Variants in SFXN5 observed in about 807,000 individuals in gnomAD.
SFXN5 encodes sideroflexin 5.
SFXN5 carries 43 observed loss-of-function variants against 50.2 expected under a neutral mutation model. That is an observed-to-expected ratio of 0.86 (90% confidence interval 0.67 to 1.11). SFXN5 has a LOEUF of 1.11. Among genes scored for constraint, SFXN5 ranks in the 50% least tolerant of loss-of-function variants. The pLI, the probability that SFXN5 is intolerant of heterozygous loss-of-function variation, is 0.00. For synonymous variants in SFXN5, 203 were observed against 185.8 expected (o/e 1.09, Z -0.75); for missense variants, 463 against 454.1 (o/e 1.02, Z -0.18).
chr2:73,011,635 T>C (rs987784748), intron 6 of SFXN5, among the ~76,000 whole-genome samples: 5 of 152,066 alleles, frequency 3.3e-5, no homozygotes, highest in Admixed American at 3.3e-4. Context: ...GAAGGGGGAA[T>C]ACAAATCACC....
intron 13 of SFXN5, among the ~76,000 whole-genome samples, chr2:72,954,600 C>A (rs912374872): frequency 3.3e-5 from 5 of 152,202 alleles, no homozygotes; most frequent in African/African-American, 9.6e-5. Context: ...CCCCTGCCCG[C>A]AGCCCCAGCC....
chr2:73,040,737 AC>A (rs1163123763), intron 3 of SFXN5, 116 bp downstream of exon 3: 3 of 737,116 alleles, frequency 4.1e-6, no homozygotes, highest in African/African-American at 3.5e-5. Context: ...AGGGGTATGT[AC>A]CAGCAGAAGT....
At chr2:73,067,235 C>T (rs913197864) in intron 1 of SFXN5, among the ~76,000 whole-genome samples, 1 of 152,178 alleles carries the variant, frequency 6.6e-6, no homozygotes, top group African/African-American at 2.4e-5. Flanking sequence ...AAAATATCTT[C>T]CAAAATTGTC....
intron 9 of SFXN5, among the ~76,000 whole-genome samples, chr2:72,993,486 C>A (rs1672859115): frequency 6.6e-6 from 1 of 152,226 alleles, no homozygotes. Context: ...ACCCCTGAAC[C>A]ATGCCCCACA....
intron 10 of SFXN5, among the ~76,000 whole-genome samples, chr2:72,972,775 T>C (rs1470855018): frequency 1.3e-5 from 2 of 152,248 alleles, no homozygotes; most frequent in Non-Finnish European, 2.9e-5. Context: ...TTTAAAGTTT[T>C]AATTTTTGCT....
At chr2:72,949,007 G>A (rs970327053) in intron 13 of SFXN5, among the ~76,000 whole-genome samples, 2 of 152,144 alleles carry the variant, frequency 1.3e-5, no homozygotes, top group South Asian at 2.1e-4. Context: ...AACTGGGGAG[G>A]GGTTGGGAGT....
chr2:72,967,299 G>A (rs1674528654), intron 12 of SFXN5: 1 of 152,234 alleles, frequency 6.6e-6, no homozygotes, highest in Non-Finnish European at 1.5e-5. Context: ...ACAAAAGGAT[G>A]GACGTGCCTC....
Position 73,027,869 on chromosome 2 carries a change from C to T in SFXN5, c.250-4655G>A, listed in dbSNP as rs113561950. ...TAGAAACGTGGTCTCCCTATGTTGC[C>T]CAGGCTGGTCTCCAACTCCTGGGCT... On this transcript the variant is annotated intron_variant, in intron 3 of 13. Transcript: ENST00000272433. Among the ~76,000 whole-genome samples the T allele has an allele frequency of 1.9e-3, 292 of 152,000 alleles. 2 individuals are homozygous for T. The highest frequency in any genetic ancestry group is 5.5e-3 in the African/African-American group (229 of 41,454).
chr2:72,998,677 G>A (rs763577279), intron 9 of SFXN5: 10 of 475,104 alleles, frequency 2.1e-5, no homozygotes, highest in African/African-American at 3.9e-5. Context: ...CTGGGCAACC[G>A]CAGCCCCACT....
intron 10 of SFXN5, among the ~76,000 whole-genome samples, chr2:72,975,854 A>G (rs1670562198): frequency 6.6e-6 from 1 of 152,268 alleles, no homozygotes; most frequent in South Asian, 2.1e-4. Context: ...AATGCAATTA[A>G]AGACAGTAGA....
intron 12 of SFXN5, among the ~76,000 whole-genome samples, chr2:72,964,942 G>T (rs1487244889): frequency 6.6e-6 from 1 of 152,204 alleles, no homozygotes; most frequent in African/African-American, 2.4e-5. Context: ...GGAAGGGAAG[G>T]GCACGGTCTC....
intron 5 of SFXN5, 61 bp downstream of exon 5, chr2:73,022,461 G>C: frequency 7.7e-7 from 1 of 1,296,772 alleles, no homozygotes; most frequent in East Asian, 2.3e-5. Flanking sequence ...GATGCTCCTG[G>C]AACTGTGACT....
chr2:72,979,493 G>C (rs1199915809), intron 10 of SFXN5, among the ~76,000 whole-genome samples: 1 of 151,946 alleles, frequency 6.6e-6, no homozygotes. Flanking sequence ...AATTAGCCAG[G>C]CATGGTGGCA....
At chr2:72,982,798 G>T (rs1671476206) in intron 10 of SFXN5, among the ~76,000 whole-genome samples, 1 of 152,216 alleles carries the variant, frequency 6.6e-6, no homozygotes, top group Non-Finnish European at 1.5e-5. Context: ...CCAGACATCA[G>T]GGCCACATGC....
At chr2:73,059,574 T>A in intron 1 of SFXN5, 1 of 984,878 alleles carries the variant, frequency 1.0e-6, no homozygotes. Context: ...CACCTCAAAG[T>A]CCCCCCACAC....
At chr2:73,061,254 G>T (rs1448097987) in intron 1 of SFXN5, among the ~76,000 whole-genome samples, 2 of 150,018 alleles carry the variant, frequency 1.3e-5, no homozygotes, top group African/African-American at 4.9e-5. Context: ...GTTGCAGCGA[G>T]CAGAGATCGC....
chr2:72,990,524 G>C (rs1660739959), intron 9 of SFXN5, among the ~76,000 whole-genome samples: 1 of 152,152 alleles, frequency 6.6e-6, no homozygotes, highest in South Asian at 2.1e-4. Flanking sequence ...AGAGGAGGGG[G>C]GCTCGGGAGA....
chr2:72,959,570 G>A (rs1013164659), intron 13 of SFXN5, among the ~76,000 whole-genome samples: 102 of 152,136 alleles, frequency 6.7e-4, no homozygotes, highest in African/African-American at 2.3e-3. Context: ...GGAGCCATTG[G>A]AACAACTTCT....
intron 12 of SFXN5, among the ~76,000 whole-genome samples, chr2:72,967,749 G>A (rs1247863735): frequency 6.6e-6 from 1 of 152,064 alleles, no homozygotes; most frequent in African/African-American, 2.4e-5. Flanking sequence ...CTCCACCTAG[G>A]GGACCCTCCC....
Sources: allele counts gnomAD v4.1 joint callset (sites outside exome capture counted in the v4.1 genomes callset), GRCh38; gene constraint gnomAD v4.1.1; transcripts MANE v1.5; gene names NCBI Gene and HGNC (gene_info 2026-07-23, HGNC 2026-07-21).